SLC7A14: variants seen among roughly 807,000 people sequenced by gnomAD.
SLC7A14 encodes the protein solute carrier family 7 member 14.
A neutral mutation model predicts 60.2 loss-of-function variants in SLC7A14; 37 were observed. The ratio of observed to expected loss-of-function variants is 0.61; its 90% CI spans 0.47 to 0.81. The LOEUF (loss-of-function observed/expected upper bound fraction) is 0.81, where lower values mean the gene tolerates loss of function less well. SLC7A14 is among the 30% of genes least tolerant of loss of function. The pLI, the probability that SLC7A14 is intolerant of heterozygous loss-of-function variation, is 0.00. For missense variants in SLC7A14, 886 were observed against 982.7 expected (o/e 0.90, Z 1.32); for synonymous variants, 399 against 395.8 (o/e 1.01, Z -0.10).
rs568569481 is a variant in SLC7A14 at position 170,543,611 on chromosome 3, C to A, written c.-152-16523G>T. On this transcript the variant is annotated intron_variant, in intron 1 of 7. Transcript: ENST00000231706. ...TGAGCCGAGATCGCCCCATTGCACT[C>A]CAGCCTGGGCAACAAGAGTGAAACT... Among the ~76,000 whole-genome samples, 167 of 151,932 alleles carry A rather than the reference C, an allele frequency of 1.1e-3. 1 individual carries two copies. Among genetic ancestry groups the A allele is most frequent in the African/African-American group, 4.0e-3 (166 of 41,456 alleles).
At chr3:170,481,532 G>T (rs1209106521) in intron 6 of SLC7A14, among the ~76,000 whole-genome samples, 1 of 151,742 alleles carries the variant, frequency 6.6e-6, no homozygotes, top group African/African-American at 2.4e-5. Context: ...CTCCCGAGTA[G>T]CTGGGATTAC....
At chr3:170,537,591 ACTCGG>A (rs1478406060) in intron 1 of SLC7A14, among the ~76,000 whole-genome samples, 11 of 152,160 alleles carry the variant, frequency 7.2e-5, no homozygotes. Flanking sequence ...TCCTGAAAAC[ACTCGG>A]CTGAGCATTT....
At chr3:170,545,404 A>G (rs899743883) in intron 1 of SLC7A14, among the ~76,000 whole-genome samples, 1 of 152,088 alleles carries the variant, frequency 6.6e-6, no homozygotes, top group Admixed American at 6.6e-5. Context: ...CCCTTCCTCT[A>G]TTATTAATGT....
chr3:170,536,813 G>T (rs1048507572), intron 1 of SLC7A14, among the ~76,000 whole-genome samples: 1 of 152,076 alleles, frequency 6.6e-6, no homozygotes, highest in African/African-American at 2.4e-5. Context: ...AAAAATTCTG[G>T]TCTCCTCATC....
chr3:170,496,588 T>C, intron 4 of SLC7A14: 5 of 1,595,074 alleles, frequency 3.1e-6, no homozygotes, highest in Non-Finnish European at 4.3e-6. Flanking sequence ...GCCCTGGACA[T>C]GGAGATCGCC....
At chr3:170,525,468 C>T (rs1713463788) in intron 2 of SLC7A14, among the ~76,000 whole-genome samples, 1 of 152,186 alleles carries the variant, frequency 6.6e-6, no homozygotes, top group Non-Finnish European at 1.5e-5. Context: ...TGGCAGATGG[C>T]GCATTGTGAT....
At chr3:170,520,309 ACTT>A (rs1713304204) in intron 2 of SLC7A14, among the ~76,000 whole-genome samples, 1 of 152,192 alleles carries the variant, frequency 6.6e-6, no homozygotes, top group Non-Finnish European at 1.5e-5. Context: ...TGGGTTATGC[ACTT>A]AGAACTCTTT....
chr3:170,491,817 G>A (rs1712229939), intron 4 of SLC7A14, among the ~76,000 whole-genome samples: 1 of 152,120 alleles, frequency 6.6e-6, no homozygotes, highest in Non-Finnish European at 1.5e-5. Flanking sequence ...AAGCAACCTG[G>A]AGCAGAGAAC....
At position 170,585,029 on chromosome 3, in the gene SLC7A14, G is replaced by T. The variant is rs983593956; in HGVS notation, c.-153+882C>A. Among the ~76,000 whole-genome samples, 1 of 152,038 alleles carries T rather than the reference G, an allele frequency of 6.6e-6. No homozygotes were observed. The highest frequency in any genetic ancestry group is 2.4e-5 in the African/African-American group (1 of 41,388). Reference sequence around the variant, plus strand: ...CCTTTGCTTTGCTCACTCTTCAATCGCAATATAAAATACTCATTTGGGGAG... The same window carrying T: ...CCTTTGCTTTGCTCACTCTTCAATCTCAATATAAAATACTCATTTGGGGAG... On this transcript the variant is annotated intron_variant, in intron 1 of 7. Transcript: ENST00000231706. This position sits in a 1 kb window ranked among gnomAD's most constrained non-coding sequence, Gnocchi z 5.1.
chr3:170,554,393 T>C (rs187678832), intron 1 of SLC7A14, among the ~76,000 whole-genome samples: 1 of 152,378 alleles, frequency 6.6e-6, no homozygotes, highest in East Asian at 1.9e-4. Flanking sequence ...ATTCACATTT[T>C]GTCTTCCATG....
chr3:170,554,520 G>A (rs1482017177), intron 1 of SLC7A14, among the ~76,000 whole-genome samples: 2 of 152,156 alleles, frequency 1.3e-5, no homozygotes, highest in East Asian at 1.9e-4. Context: ...TCCACAAAGA[G>A]CCAGCACTAG....
At chr3:170,548,166 G>A (rs1306076931) in intron 1 of SLC7A14, among the ~76,000 whole-genome samples, 1 of 152,178 alleles carries the variant, frequency 6.6e-6, no homozygotes, top group East Asian at 1.9e-4. Flanking sequence ...AAATACATTT[G>A]TGCAATATGA....
In SLC7A14 at chr3:170,467,243, A is replaced by T; in HGVS notation, c.2128T>A (p.Tyr710Asn). ...TCCTGGCTCTCGCCCTCTGTGGCGT[A>T]GGAGAAACCCTCCTCCACTGAGAAG... Reference protein sequence around the residue: ...DPFSVEEGFSYATEGESQEDW... With the variant: ...DPFSVEEGFSNATEGESQEDW... The change falls in exon 8 of 8, where the codon TAC becomes AAC. Residue 710 changes from tyrosine (Y) to asparagine (N), a missense_variant. By Grantham distance (143) the Tyr-to-Asn change is moderately radical. Transcript: ENST00000231706. 6.2e-7 allele frequency: 1 copy of T among 1,614,272 alleles called. No homozygotes were observed. The highest frequency in any genetic ancestry group is 8.5e-7 in the Non-Finnish European group (1 of 1,180,048).
At chr3:170,534,367 T>G (rs1256882168) in intron 1 of SLC7A14, among the ~76,000 whole-genome samples, 2 of 152,296 alleles carry the variant, frequency 1.3e-5, no homozygotes, top group East Asian at 3.9e-4. Flanking sequence ...CCACTGACTT[T>G]CCATTAACTA....
intron 1 of SLC7A14, among the ~76,000 whole-genome samples, chr3:170,551,952 T>G (rs1259177115): frequency 6.6e-6 from 1 of 152,250 alleles, no homozygotes; most frequent in Non-Finnish European, 1.5e-5. Flanking sequence ...TTATTGTTTA[T>G]GCTTTTGATA....
intron 7 of SLC7A14, among the ~76,000 whole-genome samples, chr3:170,476,034 G>C (rs935158830): frequency 1.3e-5 from 2 of 152,090 alleles, no homozygotes; most frequent in Non-Finnish European, 2.9e-5. Flanking sequence ...TTTCTAACTA[G>C]TTCCCCGATG....
chr3:170,486,453 C>A, intron 4 of SLC7A14, 85 bp from the exon 5 acceptor site: 1 of 1,558,560 alleles, frequency 6.4e-7, no homozygotes, highest in Non-Finnish European at 8.8e-7. Flanking sequence ...TGCTCTATGC[C>A]CTGCAGACAT....
rs2108273969 is a variant in SLC7A14 at position 170,489,762 on chromosome 3, A to C, written c.760-3394T>G. ...ACAATTGAGTACTATGCAGCCATAA[A>C]AAAGAATGAGATCCAGTCATTTCCA... On this transcript the variant is annotated intron_variant, in intron 4 of 7. Coordinates refer to ENST00000231706, the MANE Select transcript of SLC7A14 (RefSeq NM_020949.3). Among the ~76,000 whole-genome samples, 3 of 152,394 alleles carry C rather than the reference A, an allele frequency of 2.0e-5. No individual in the cohort carries two copies. In the South Asian group the frequency reaches 6.2e-4, roughly 32 times the overall value.
At chr3:170,485,641 C>A (rs535042692) in intron 5 of SLC7A14, among the ~76,000 whole-genome samples, 2 of 152,120 alleles carry the variant, frequency 1.3e-5, no homozygotes, top group African/African-American at 4.8e-5. Flanking sequence ...AGGCTGAAGT[C>A]TTTATCCTGA....
Sources: allele counts gnomAD v4.1 joint callset (sites outside exome capture counted in the v4.1 genomes callset), GRCh38; gene constraint gnomAD v4.1.1; non-coding constraint Gnocchi (gnomAD v3.1); transcripts MANE v1.5; gene names NCBI Gene and HGNC (gene_info 2026-07-23, HGNC 2026-07-21).